USH2A: variants seen among roughly 807,000 people sequenced by gnomAD.
The protein encoded by USH2A is Usher syndrome 2A (autosomal recessive, mild).
USH2A carries 443 observed loss-of-function variants against 538.9 expected under a neutral mutation model. The observed-to-expected ratio is 0.82, with a 90% confidence interval of 0.76 to 0.89. The LOEUF (loss-of-function observed/expected upper bound fraction) is 0.89, where lower values mean the gene tolerates loss of function less well. Among genes scored for constraint, USH2A ranks in the 40% least tolerant of loss-of-function variants. The probability of loss-of-function intolerance (pLI) is 0.00; values close to 1 mark genes in which losing one functional copy is unlikely to be tolerated. For synonymous variants in USH2A, 2,413 were observed against 2,273.5 expected (o/e 1.06, Z -1.75); for missense variants, 6,633 against 6,324.8 (o/e 1.05, Z -1.65).
chr1:216,400,216 T>TTATATATATATA (rs71161422), intron 3 of USH2A, among the ~76,000 whole-genome samples: 100 of 147,302 alleles, frequency 6.8e-4, no homozygotes, highest in African/African-American at 2.4e-3. Context: ...GAAATAGAAG[T>TTATATATATATA]TATATATATA....
At chr1:216,387,468 TTAAAC>T in intron 3 of USH2A, among the ~76,000 whole-genome samples, 1 of 152,238 alleles carries the variant, frequency 6.6e-6, no homozygotes, top group Non-Finnish European at 1.5e-5. Context: ...TTCACGCAAG[TTAAAC>T]TATCCAAGAC....
At chr1:215,890,551 G>A (rs1665181908) in intron 40 of USH2A, among the ~76,000 whole-genome samples, 3 of 152,220 alleles carry the variant, frequency 2.0e-5, no homozygotes, top group South Asian at 4.1e-4. Context: ...TATCCTATTT[G>A]AAGAGAAATC....
intron 2 of USH2A, 129 bp downstream of exon 2, chr1:216,421,723 G>T: frequency 7.1e-7 from 1 of 1,412,040 alleles, no homozygotes. Context: ...GAAACAACTG[G>T]AAGAGTTAGT....
At chr1:215,824,066 C>A (rs1295372278) in intron 47 of USH2A, among the ~76,000 whole-genome samples, 1 of 152,042 alleles carries the variant, frequency 6.6e-6, no homozygotes, top group East Asian at 1.9e-4. Context: ...GAAGATCCTA[C>A]TTCCCTGTTT....
chr1:216,268,213 C>A (rs961857356), intron 11 of USH2A, among the ~76,000 whole-genome samples: 6 of 152,032 alleles, frequency 3.9e-5, no homozygotes, highest in African/African-American at 1.4e-4. Context: ...TCACCTGAGA[C>A]AGGAGTTGAG....
At chr1:215,853,249 C>G (rs1363542566) in intron 44 of USH2A, among the ~76,000 whole-genome samples, 3 of 152,232 alleles carry the variant, frequency 2.0e-5, no homozygotes, top group South Asian at 2.1e-4. Context: ...TTGGGGGTTG[C>G]ACCCTCTGAA....
At chr1:216,416,480 C>A (rs150514900) in intron 3 of USH2A, among the ~76,000 whole-genome samples, 1 of 151,900 alleles carries the variant, frequency 6.6e-6, no homozygotes, top group Non-Finnish European at 1.5e-5. Context: ...GTGTACAAAT[C>A]GAAAAGGACA....
At position 215,675,106 on chromosome 1, in the gene USH2A, G is replaced by A. The variant is rs780700511; in HGVS notation, c.12805C>T (p.Pro4269Ser). The change falls in exon 63 of 72, where the codon CCT becomes TCT. Residue 4269 changes from proline to serine, a missense_variant. Pro to Ser is a moderately conservative substitution (Grantham distance 74). Transcript: ENST00000307340. ...LQAPPEGLSP[P>S]VISYVSMNPQ... ...TTCATAGAAACATAGGATATCACAG[G>A]TGGAGAGAGACCTTCTGGAGGTGCT... 6.2e-7 allele frequency: 1 copy of A among 1,614,086 alleles called. No individual in the cohort carries two copies. The highest frequency in any genetic ancestry group is 1.1e-5 in the South Asian group (1 of 91,074).
chr1:215,968,891 T>C (rs1011321960), intron 36 of USH2A, among the ~76,000 whole-genome samples: 3 of 152,192 alleles, frequency 2.0e-5, no homozygotes, highest in Non-Finnish European at 4.4e-5. Context: ...TATCACATCA[T>C]AATTTAATGA....
chr1:216,000,514 T>C lies in USH2A; in HGVS notation c.6374A>G (p.His2125Arg). 1 of 1,613,692 alleles carries C rather than the reference T, an allele frequency of 6.2e-7. No homozygotes were observed. Among genetic ancestry groups the C allele is most frequent in the East Asian group, 2.2e-5 (1 of 44,842 alleles). ...CCAGGAACTGTTTGTACAGCCCACA[T>C]GTGTGCATGCACTTAGTAGAAACTG... ...PHQFLLSACT[H>R]VGCTNSSWVL... Residue 2125 changes from histidine to arginine, a missense_variant, in exon 33 of 72, where the codon CAT (histidine) becomes CGT (arginine). His to Arg is a conservative substitution (Grantham distance 29). Coordinates refer to ENST00000307340, the MANE Select transcript of USH2A (RefSeq NM_206933.4).
At chr1:215,792,307 T>A (rs571098795) in intron 50 of USH2A, among the ~76,000 whole-genome samples, 83 of 152,340 alleles carry the variant, frequency 5.4e-4, no homozygotes, top group African/African-American at 1.6e-3. Context: ...AAGAGCTTCA[T>A]CTTTGTATTA....
At chr1:216,156,807 T>G (rs928893388) in intron 21 of USH2A, among the ~76,000 whole-genome samples, 11 of 149,186 alleles carry the variant, frequency 7.4e-5, no homozygotes, top group African/African-American at 2.7e-4. Flanking sequence ...ATAAGGAACT[T>G]AAACAAATCA....
At chr1:215,980,048 T>C (rs1183146300) in intron 35 of USH2A, among the ~76,000 whole-genome samples, 3 of 152,204 alleles carry the variant, frequency 2.0e-5, no homozygotes, top group Admixed American at 6.5e-5. Flanking sequence ...CTCTGTCTCT[T>C]GTAATTTCTT....
intron 38 of USH2A, among the ~76,000 whole-genome samples, chr1:215,916,757 T>C (rs891595694): frequency 4.6e-5 from 7 of 151,990 alleles, no homozygotes; most frequent in Non-Finnish European, 8.8e-5. Context: ...GGCACCAGAA[T>C]AAAAAGACAC....
intron 3 of USH2A, among the ~76,000 whole-genome samples, chr1:216,384,247 C>A (rs1414182513): frequency 6.6e-6 from 1 of 151,516 alleles, no homozygotes; most frequent in Non-Finnish European, 1.5e-5. Flanking sequence ...ATCAAGATTT[C>A]TTAGTCATTA....
rs1178324160 is a variant in USH2A at position 215,782,918 on chromosome 1, A to G, written c.10405T>C (p.Tyr3469His). ...GAAATCCTGTACTCATATGTCATGT[A>G]GGGCTTGAGGTTCACATCTGGAAAG... ...YSYTDVNLKP[Y>H]MTYEYRISAW... The change falls in exon 53 of 72, where the codon TAC becomes CAC. Residue 3469 changes from tyrosine (Y) to histidine (H), a missense_variant. Coordinates refer to ENST00000307340, the MANE Select transcript of USH2A (RefSeq NM_206933.4). 1 of 1,613,504 alleles carries G rather than the reference A, an allele frequency of 6.2e-7. No individual in the cohort carries two copies. Among genetic ancestry groups the G allele is most frequent in the Non-Finnish European group, 8.5e-7 (1 of 1,179,724 alleles).
At chr1:216,216,279 T>A (rs1195223459) in intron 15 of USH2A, among the ~76,000 whole-genome samples, 1 of 152,074 alleles carries the variant, frequency 6.6e-6, no homozygotes, top group African/African-American at 2.4e-5. Context: ...TATACTGAAA[T>A]CCAGAGGGAC....
chr1:215,712,768 AT>A (rs1300498200), intron 61 of USH2A, among the ~76,000 whole-genome samples: 1 of 152,034 alleles, frequency 6.6e-6, no homozygotes, highest in Admixed American at 6.6e-5. Context: ...AGAAAATATA[AT>A]AAATTTTCCT....
chr1:215,658,774 A>G (rs536134252), intron 64 of USH2A, among the ~76,000 whole-genome samples: 3 of 152,262 alleles, frequency 2.0e-5, no homozygotes, highest in East Asian at 3.8e-4. Context: ...AGTACTACTC[A>G]TATATTTCAT....
Sources: allele counts gnomAD v4.1 joint callset (sites outside exome capture counted in the v4.1 genomes callset), GRCh38; gene constraint gnomAD v4.1.1; transcripts MANE v1.5; gene names NCBI Gene and HGNC (gene_info 2026-07-23, HGNC 2026-07-21).